Variants in TTC6 observed in about 807,000 individuals in gnomAD.
TTC6 encodes the protein tetratricopeptide repeat domain 6, also known as tetratricopeptide repeat protein 6.
Under a neutral mutation model 210.4 loss-of-function variants are expected in TTC6, and 172 were observed. That is an observed-to-expected ratio of 0.82 (90% CI 0.72 to 0.93). TTC6 has a LOEUF of 0.93. Ranked by LOEUF, TTC6 falls within the 40% of genes least tolerant of loss-of-function variation. TTC6 has a pLI of 0.00. For missense variants in TTC6, 2,414 were observed against 2,318.1 expected (o/e 1.04, Z -0.85); for synonymous variants, 804 against 819.6 (o/e 0.98, Z 0.32).
intron 3 of TTC6, among the ~76,000 whole-genome samples, chr14:37,685,030 A>G (rs147961459): frequency 0.024 from 3,688 of 152,320 alleles, 78 homozygotes; most frequent in Non-Finnish European, 0.037. Flanking sequence ...GCTCGTTAGT[A>G]TAATGAAGGT....
intron 1 of TTC6, among the ~76,000 whole-genome samples, chr14:37,662,722 G>T (rs2095739901): frequency 6.6e-6 from 1 of 152,146 alleles, no homozygotes; most frequent in Non-Finnish European, 1.5e-5. Flanking sequence ...GGTTGTAGGT[G>T]TGTGGCCATA....
chr14:37,669,810 A>G (rs2095754956), intron 1 of TTC6, among the ~76,000 whole-genome samples: 1 of 152,222 alleles, frequency 6.6e-6, no homozygotes, highest in Non-Finnish European at 1.5e-5. Context: ...TATTTGTTGA[A>G]TGATGTAAAC....
intron 14 of TTC6, among the ~76,000 whole-genome samples, chr14:37,769,591 GA>G (rs2096011197): frequency 1.3e-5 from 2 of 152,214 alleles, no homozygotes; most frequent in South Asian, 4.1e-4. Context: ...TATTTCTGTA[GA>G]GGTATTTGTA....
At chr14:37,806,061 G>T (rs1180166616) in intron 21 of TTC6, among the ~76,000 whole-genome samples, 1 of 152,090 alleles carries the variant, frequency 6.6e-6, no homozygotes, top group Non-Finnish European at 1.5e-5. Flanking sequence ...TGTGCTGGTT[G>T]TGATTTCTTT....
chr14:37,647,585 T>C lies in TTC6; in HGVS notation c.939+24582T>C, dbSNP rs569659099. On this transcript the variant is annotated intron_variant, in intron 1 of 30. Coordinates refer to ENST00000553443, the Ensembl canonical transcript of TTC6. ...TCAAGGGGGCAGCCCGATTGTGAGG[T>C]TGATTTTAGACATGTTAAGTTTGAG... Among the ~76,000 whole-genome samples the C allele has an allele frequency of 9.3e-5, 14 of 150,470 alleles. No homozygotes were observed. The East Asian group carries it at 2.6e-3, about 28-fold the overall frequency.
chr14:37,660,677 A>T (rs1357475911), intron 1 of TTC6, among the ~76,000 whole-genome samples: 1 of 152,162 alleles, frequency 6.6e-6, no homozygotes, highest in Non-Finnish European at 1.5e-5. Flanking sequence ...TTTGTAATAG[A>T]ATGATTTATA....
chr14:37,806,386 T>C, exon 22 of TTC6: 1 of 1,535,542 alleles, frequency 6.5e-7, no homozygotes. Flanking sequence ...ACAAAAGCTG[T>C]GAAAGCAAAT....
intron 6 of TTC6, among the ~76,000 whole-genome samples, chr14:37,719,144 A>G (rs1355456088): frequency 6.6e-6 from 1 of 152,216 alleles, no homozygotes; most frequent in African/African-American, 2.4e-5. Flanking sequence ...GTGTAAATCT[A>G]ACAAAACATG....
At chr14:37,659,108 CTTA>C (rs749855426) in intron 1 of TTC6, among the ~76,000 whole-genome samples, 13 of 151,974 alleles carry the variant, frequency 8.6e-5, no homozygotes, top group Admixed American at 3.3e-4. Context: ...AAGACATGAT[CTTA>C]TTATTTTTTT....
chr14:37,608,215 C>T (rs963392348), intron 2 of TTC6, among the ~76,000 whole-genome samples: 2 of 152,080 alleles, frequency 1.3e-5, no homozygotes, highest in South Asian at 4.1e-4. Flanking sequence ...ATGCATAATG[C>T]ACATGTTTCA....
intron 1 of TTC6, among the ~76,000 whole-genome samples, chr14:37,599,098 C>T (rs1165590184): frequency 1.3e-5 from 2 of 152,198 alleles, no homozygotes; most frequent in African/African-American, 4.8e-5. Flanking sequence ...CAAGGGGTCA[C>T]ACGTGCGTGT....
At chr14:37,840,297 T>C (rs538778841) in intron 29 of TTC6, among the ~76,000 whole-genome samples, 9 of 152,164 alleles carry the variant, frequency 5.9e-5, no homozygotes, top group Admixed American at 5.9e-4. Context: ...CAGGATGAAG[T>C]TGAATCTCTG....
intron 14 of TTC6, among the ~76,000 whole-genome samples, chr14:37,768,831 A>T (rs1310164428): frequency 1.3e-5 from 2 of 151,940 alleles, no homozygotes; most frequent in Non-Finnish European, 2.9e-5. Context: ...AGAACTTCCA[A>T]CACTATGTTG....
intron 1 of TTC6, among the ~76,000 whole-genome samples, chr14:37,661,529 G>C (rs2095737379): frequency 6.6e-6 from 1 of 152,038 alleles, no homozygotes; most frequent in Non-Finnish European, 1.5e-5. Context: ...ATTGGTCTAT[G>C]TGTCTGTTTT....
rs541640541 is a variant in TTC6 at position 37,600,679 on chromosome 14, A to G, written c.-235+4671A>G. On this transcript the variant is annotated intron_variant, in intron 1 of 2. Coordinates refer to the TTC6 transcript ENST00000556845. ...AAATATATTCTGCCGGAAGTTTTTC[A>G]TTGTATCAGTTTTCTGATTTCCCCC... 1.6e-4 allele frequency among the ~76,000 whole-genome samples: 24 copies of G among 152,280 alleles called. No homozygotes were observed. The South Asian group carries it at 3.3e-3, about 21-fold the overall frequency.
At position 37,808,798 on chromosome 14, in the gene TTC6, AT is replaced by A; in HGVS notation, c.4525del (p.Tyr1509IlefsTer10). ...GCATGGACAAAAATAGTTATACAGC[AT>A]TTTATAACAGAGCATTATGTTACAC... On this transcript the variant is annotated frameshift_variant, in exon 24 of 31. Coordinates refer to ENST00000553443, the Ensembl canonical transcript of TTC6. LOFTEE classifies it high-confidence loss of function. 6.5e-7 allele frequency: 1 copy of A among 1,532,232 alleles called. No individual in the cohort carries two copies. The highest frequency in any genetic ancestry group is 8.7e-7 in the Non-Finnish European group (1 of 1,144,182). 94.9% of individuals were successfully genotyped at this position (1,532,232 alleles called of 1,614,324 possible).
chr14:37,810,164 C>T (rs2096126826), intron 24 of TTC6, among the ~76,000 whole-genome samples: 1 of 152,144 alleles, frequency 6.6e-6, no homozygotes, highest in African/African-American at 2.4e-5. Context: ...AAATGAATAG[C>T]TAATTTTTAA....
intron 14 of TTC6, among the ~76,000 whole-genome samples, chr14:37,764,594 C>G (rs1210388862): frequency 1.3e-5 from 2 of 152,124 alleles, no homozygotes; most frequent in Non-Finnish European, 2.9e-5. Flanking sequence ...TACTCCCACT[C>G]TCTTTTGGCT....
intron 1 of TTC6, among the ~76,000 whole-genome samples, chr14:37,637,894 A>G (rs992874489): frequency 6.6e-6 from 1 of 152,212 alleles, no homozygotes; most frequent in African/African-American, 2.4e-5. Context: ...GGAATATAAG[A>G]TGACATAGCC....
Sources: gnomAD v4.1 joint callset for allele counts (sites outside exome capture counted in the v4.1 genomes callset) on GRCh38, gnomAD v4.1.1 for gene constraint, MANE v1.5 for transcripts, NCBI Gene and HGNC (gene_info 2026-07-23, HGNC 2026-07-21) for gene names.